The following PAH variants were observed in gnomAD, a reference collection of about 807,000 sequenced individuals.
PAH encodes the protein phenylalanine-4-hydroxylase.
PAH carries 64 observed loss-of-function variants against 62.0 expected under a neutral mutation model. The ratio of observed to expected loss-of-function variants is 1.03; its 90% CI spans 0.84 to 1.27. The LOEUF is 1.27. Ranked by LOEUF, PAH falls within the 50% of genes most tolerant of loss-of-function variation. The pLI, the probability that PAH is intolerant of heterozygous loss-of-function variation, is 0.00. For missense variants in PAH, 579 were observed against 542.8 expected (o/e 1.07, Z -0.66); for synonymous variants, 195 against 196.2 (o/e 0.99, Z 0.05).
Position 102,935,538 on chromosome 12 carries a change from C to T in PAH, c.-96+15051G>A, listed in dbSNP as rs577780408. ...CCATTGGGTACCAGGCCTTTTTTTG[C>T]TGGAAGACTTCATTATGGCTTAGGT... On this transcript the variant is annotated intron_variant, in intron 1 of 3. Coordinates refer to the PAH transcript ENST00000546844. 1.8e-4 allele frequency among the ~76,000 whole-genome samples: 27 copies of T among 151,938 alleles called. No individual in the cohort carries two copies. The East Asian group carries it at 3.7e-3, about 21-fold the overall frequency.
intron 4 of PAH, among the ~76,000 whole-genome samples, chr12:102,872,141 A>G (rs1359918373): frequency 1.3e-5 from 2 of 152,008 alleles, no homozygotes; most frequent in African/African-American, 4.8e-5. Context: ...TAGAAGACCA[A>G]TAAGTTGCAA....
At chr12:102,923,078 C>T (rs2136740825) in intron 1 of PAH, among the ~76,000 whole-genome samples, 1 of 152,294 alleles carries the variant, frequency 6.6e-6, no homozygotes, top group East Asian at 1.9e-4. Flanking sequence ...CAAATGTCAA[C>T]AAGTAAGTTC....
chr12:102,880,917 T>C (rs1005903896), intron 3 of PAH, among the ~76,000 whole-genome samples: 2 of 151,404 alleles, frequency 1.3e-5, no homozygotes, highest in Non-Finnish European at 2.9e-5. Flanking sequence ...AAAAAATGCA[T>C]ATATATTTAT....
At chr12:102,909,760 A>G (rs1768349004) in intron 2 of PAH, among the ~76,000 whole-genome samples, 1 of 152,220 alleles carries the variant, frequency 6.6e-6, no homozygotes. Context: ...GGAGTTCCAG[A>G]TCAGCTTGGG....
intron 2 of PAH, among the ~76,000 whole-genome samples, chr12:102,900,659 C>T (rs1391337376): frequency 6.6e-6 from 1 of 152,132 alleles, no homozygotes. Flanking sequence ...ATGTAATTTC[C>T]TTATTGGCGT....
intron 4 of PAH, among the ~76,000 whole-genome samples, chr12:102,874,380 C>T (rs1237381393): frequency 2.0e-5 from 3 of 152,226 alleles, no homozygotes; most frequent in Non-Finnish European, 2.9e-5. Flanking sequence ...CTCTACTGTA[C>T]AACCACAGGC....
Position 102,917,057 on chromosome 12 carries a change from C to G in PAH, c.60+14G>C. The G allele has an allele frequency of 6.2e-7, 1 of 1,613,912 alleles. No homozygotes were observed. Among genetic ancestry groups the G allele is most frequent in the Non-Finnish European group, 8.5e-7 (1 of 1,179,774 alleles). ...AATTCCCCTAACTGAGCAGCTCAGG[C>G]TGCCGTGGCTCACCTGTCCAAAGTC... is the stretch of plus-strand genomic sequence containing the variant. On this transcript the variant is annotated intron_variant, in intron 1 of 12. Transcript: ENST00000553106.
intron 3 of PAH, among the ~76,000 whole-genome samples, chr12:102,878,924 T>TAAGA (rs1460016643): frequency 6.6e-6 from 1 of 151,522 alleles, no homozygotes; most frequent in African/African-American, 2.4e-5. Flanking sequence ...ACACCAGGAG[T>TAAGA]AAGAAAGTGG....
At chr12:102,890,356 A>C (rs1835436853) in intron 3 of PAH, among the ~76,000 whole-genome samples, 1 of 152,184 alleles carries the variant, frequency 6.6e-6, no homozygotes, top group Admixed American at 6.5e-5. Flanking sequence ...CTGTTCTCCC[A>C]CTGAGTCCTA....
chr12:102,878,542 G>A (rs780892198), intron 3 of PAH, among the ~76,000 whole-genome samples: 1 of 152,056 alleles, frequency 6.6e-6, no homozygotes, highest in Non-Finnish European at 1.5e-5. Flanking sequence ...AATGAACAGA[G>A]ACAAGGGCAT....
At chr12:102,948,241 G>C (rs1879583813) in intron 1 of PAH, among the ~76,000 whole-genome samples, 3 of 152,122 alleles carry the variant, frequency 2.0e-5, no homozygotes, top group Admixed American at 2.0e-4. Flanking sequence ...CCTGAGTTGG[G>C]GGGAGACCAG....
intron 1 of PAH, among the ~76,000 whole-genome samples, chr12:102,931,350 A>T (rs1878865386): frequency 6.6e-6 from 1 of 152,140 alleles, no homozygotes; most frequent in African/African-American, 2.4e-5. Flanking sequence ...AGAGGGAAAT[A>T]GCAGTGGGGT....
chr12:102,922,055 C>T (rs34992342), upstream of PAH, among the ~76,000 whole-genome samples: 1,468 of 152,216 alleles, frequency 9.6e-3, 9 homozygotes, highest in Admixed American at 0.016. Context: ...GCACCTGATT[C>T]TCTTCTCCAA....
chr12:102,949,251 T>C (rs530161340), intron 1 of PAH, among the ~76,000 whole-genome samples: 4 of 152,298 alleles, frequency 2.6e-5, no homozygotes, highest in African/African-American at 9.6e-5. Context: ...CCAATGACAT[T>C]GCCTTCTGGC....
At chr12:102,941,628 AC>A (rs1308384979) in intron 1 of PAH, among the ~76,000 whole-genome samples, 2 of 152,114 alleles carry the variant, frequency 1.3e-5, no homozygotes, top group Non-Finnish European at 2.9e-5. Flanking sequence ...CTATATATGC[AC>A]CCCACACTGG....
rs1592979090 is a variant in PAH, at chr12:102,895,005, G to T, written c.169-87C>A. The T allele has an allele frequency of 1.1e-5, 11 of 958,054 alleles. No homozygotes were observed. In the South Asian group the frequency reaches 1.2e-4, roughly 10 times the overall value. 59.3% of individuals were successfully genotyped at this position (958,054 alleles called of 1,614,324 possible). On this transcript the variant is annotated intron_variant, in intron 2 of 12. Transcript: ENST00000553106. ...CAGAACCAGAACAGGAAAACCTAAC[G>T]CAACAAAATGGAGAGTTCAAGAATA...
intron 4 of PAH, among the ~76,000 whole-genome samples, chr12:102,868,608 A>G (rs963477735): frequency 6.6e-6 from 1 of 152,022 alleles, no homozygotes; most frequent in Non-Finnish European, 1.5e-5. Flanking sequence ...ACTTAAAACT[A>G]CTGTTGTGCC....
upstream of PAH, among the ~76,000 whole-genome samples, chr12:102,918,689 A>G (rs2076921794): frequency 6.6e-6 from 1 of 152,028 alleles, no homozygotes; most frequent in South Asian, 2.1e-4. Flanking sequence ...CAGATATAAC[A>G]AGTGCAATTT....
At chr12:102,874,010 G>A (rs549385568) in intron 4 of PAH, among the ~76,000 whole-genome samples, 20 of 152,126 alleles carry the variant, frequency 1.3e-4, no homozygotes, top group Non-Finnish European at 2.2e-4. Flanking sequence ...AAGTCATGAA[G>A]AAGTAAACTT....
Sources: allele counts gnomAD v4.1 joint callset (sites outside exome capture counted in the v4.1 genomes callset), GRCh38; gene constraint gnomAD v4.1.1; transcripts MANE v1.5; gene names NCBI Gene and HGNC (gene_info 2026-07-23, HGNC 2026-07-21).